Variants in RPS29 observed in about 807,000 individuals in gnomAD.
RPS29 encodes the protein ribosomal protein S29.
For missense variants in RPS29, 60 were observed against 75.7 expected, an observed-to-expected ratio of 0.79 and a Z score of 0.77; for synonymous variants, 37 against 26.9, an observed-to-expected ratio of 1.37 and a Z score of -1.16.
chr14:49,598,614 T>G (rs45489097), exon 1 of RPS29: 19,444 of 701,404 alleles, frequency 0.028, 325 homozygotes, highest in Middle Eastern at 0.053. Context: ...CTGCCTTCCC[T>G]CGGGAAACAG....
exon 3 of RPS29, chr14:49,577,530 C>T (rs1489225498): frequency 1.7e-5 from 10 of 576,226 alleles, no homozygotes; most frequent in South Asian, 1.6e-4. Context: ...ATTTGTTGCT[C>T]ACCAGCAGTA....
chr14:49,586,171 G>T, intron 1 of RPS29, 114 bp downstream of exon 1: 1 of 1,390,246 alleles, frequency 7.2e-7, no homozygotes, highest in Non-Finnish European at 1.0e-6. Context: ...GGCGGCACCA[G>T]CGACTCCCAG....
chr14:49,578,907 T>A (rs887145663), downstream of RPS29, among the ~76,000 whole-genome samples: 1 of 152,160 alleles, frequency 6.6e-6, no homozygotes, highest in Non-Finnish European at 1.5e-5. Flanking sequence ...AAGAGCAGTT[T>A]TCAAGACATA....
downstream of RPS29, among the ~76,000 whole-genome samples, chr14:49,582,186 T>C (rs1178078527): frequency 6.6e-6 from 1 of 152,136 alleles, no homozygotes; most frequent in African/African-American, 2.4e-5. Context: ...TTGTCCCAGG[T>C]ACTTGGGAGG....
intron 1 of RPS29, among the ~76,000 whole-genome samples, chr14:49,591,582 G>A (rs1437138402): frequency 6.6e-6 from 1 of 151,530 alleles, no homozygotes; most frequent in Non-Finnish European, 1.5e-5. Flanking sequence ...AAAGTGCTGG[G>A]ATTACAGGGA....
chr14:49,593,288 C>G (rs1401534603), intron 1 of RPS29, among the ~76,000 whole-genome samples: 1 of 152,186 alleles, frequency 6.6e-6, no homozygotes, highest in Non-Finnish European at 1.5e-5. Context: ...ACAGTAATGA[C>G]TCAGAAGCCA....
At chr14:49,581,014 C>G (rs1172074814), downstream of RPS29, among the ~76,000 whole-genome samples, 1 of 151,928 alleles carries the variant, frequency 6.6e-6, no homozygotes, top group Non-Finnish European at 1.5e-5. Flanking sequence ...ATGGAGAAAC[C>G]CCATCTCTAC....
intron 1 of RPS29, chr14:49,598,160 C>T: frequency 4.2e-6 from 2 of 481,344 alleles, no homozygotes; most frequent in East Asian, 3.3e-5. Flanking sequence ...GTTTAATATA[C>T]GGCTAGGATT....
upstream of RPS29, among the ~76,000 whole-genome samples, chr14:49,587,601 CAG>C (rs1466337863): frequency 1.3e-5 from 2 of 152,132 alleles, no homozygotes; most frequent in African/African-American, 4.8e-5. Context: ...GGAGGGGAGT[CAG>C]AGATTTGTAA....
chr14:49,585,689 G>A (rs1881518544), intron 2 of RPS29: 3 of 482,564 alleles, frequency 6.2e-6, no homozygotes, highest in Non-Finnish European at 1.1e-5. Context: ...CACAATACAC[G>A]GCACCTAAAA....
At chr14:49,586,945 A>T (rs993792385), upstream of RPS29, 1 of 153,234 alleles carries the variant, frequency 6.5e-6, no homozygotes, top group Non-Finnish European at 1.5e-5. Context: ...TTTTTTATTG[A>T]TTAAACCTTT....
chr14:49,598,189 C>G, intron 1 of RPS29: 1 of 546,612 alleles, frequency 1.8e-6, no homozygotes, highest in Non-Finnish European at 3.2e-6. Context: ...GTGAGAGAGG[C>G]GCCTAGAGCA....
exon 3 of RPS29, chr14:49,575,100 G>C (rs1881144964): frequency 6.6e-6 from 1 of 152,624 alleles, no homozygotes; most frequent in African/African-American, 2.4e-5. Context: ...GAGTGCAGCG[G>C]CCTGATCTCC....
exon 3 of RPS29, chr14:49,577,786 G>C (rs1219516200): frequency 2.5e-6 from 4 of 1,595,498 alleles, no homozygotes; most frequent in Non-Finnish European, 3.4e-6. Flanking sequence ...GCGGTCTCAG[G>C]ATGGCCATGA....
At chr14:49,589,926 AAACT>A (rs1408245790), upstream of RPS29, among the ~76,000 whole-genome samples, 3 of 152,194 alleles carry the variant, frequency 2.0e-5, no homozygotes, top group Non-Finnish European at 2.9e-5. Flanking sequence ...TATCCTAAAC[AAACT>A]AACACAGGAA....
downstream of RPS29, among the ~76,000 whole-genome samples, chr14:49,583,280 G>A (rs1881397056): frequency 6.6e-6 from 1 of 152,192 alleles, no homozygotes; most frequent in African/African-American, 2.4e-5. Flanking sequence ...GCCGGGTGCG[G>A]TGGCTCATGC....
rs1293346172 is a variant in RPS29, at chr14:49,596,210, G to T, written c.-133+2190C>A. Among the ~76,000 whole-genome samples, 3 of 152,150 alleles carry T rather than the reference G, an allele frequency of 2.0e-5. No homozygotes were observed. In the East Asian group the frequency reaches 5.8e-4, roughly 29 times the overall value. Reference sequence around the variant, plus strand: ...TTAATATGAACAAAAAGAGAGAAAAGAATGTAGTTTGTAGGCCAGGTAGAA... The same window carrying T: ...TTAATATGAACAAAAAGAGAGAAAATAATGTAGTTTGTAGGCCAGGTAGAA... On this transcript the variant is annotated intron_variant, in intron 1 of 3. Transcript: ENST00000556230.
At chr14:49,587,141 C>T (rs1881605608), upstream of RPS29, among the ~76,000 whole-genome samples, 1 of 151,994 alleles carries the variant, frequency 6.6e-6, no homozygotes, top group Non-Finnish European at 1.5e-5. Context: ...TGACACACTC[C>T]TCCAAGAAAT....
At position 49,598,618 on chromosome 14, in the gene RPS29, GA is replaced by G. The variant is rs1397473238; in HGVS notation, c.-352del. 4.3e-6 allele frequency: 3 copies of G among 701,438 alleles called. No individual in the cohort carries two copies. In the East Asian group the frequency reaches 8.1e-5, roughly 19 times the overall value. The allele number at this position is 701,438 out of a possible 1,614,324, so 43.5% of individuals were successfully genotyped here. On this transcript the variant is annotated 5_prime_UTR_variant, in exon 1 of 4. Coordinates refer to the RPS29 transcript ENST00000556230. The stretch of plus-strand genomic sequence containing the variant: ...CAGAGGCACACCTGCCTTCCCTCGG[GA>G]AACAGCGGCCCGACGTGCGCCCGCA...
Sources: gnomAD v4.1 joint callset for allele counts (sites outside exome capture counted in the v4.1 genomes callset) on GRCh38, gnomAD v4.1.1 for gene constraint, MANE v1.5 for transcripts, NCBI Gene and HGNC (gene_info 2026-07-23, HGNC 2026-07-21) for gene names.